The following DAB2IP variants were observed in gnomAD, a reference collection of about 807,000 sequenced individuals.
The protein encoded by DAB2IP is disabled homolog 2-interacting protein.
Under a neutral mutation model 107.2 loss-of-function variants are expected in DAB2IP, and 28 were observed. That is an observed-to-expected ratio of 0.26 (90% CI 0.19 to 0.36). The LOEUF is 0.36. DAB2IP is among the 10% of genes least tolerant of loss of function. The pLI is 1.00. For synonymous variants in DAB2IP, 755 were observed against 706.4 expected (o/e 1.07, Z -1.09); for missense variants, 1,400 against 1,644.7 (o/e 0.85, Z 2.57).
upstream of DAB2IP, among the ~76,000 whole-genome samples, chr9:121,647,202 C>T (rs1333866366): frequency 2.6e-5 from 4 of 152,136 alleles, no homozygotes; most frequent in Non-Finnish European, 5.9e-5. Context: ...TTGAAGATAA[C>T]TGGTTGTGGT....
intron 1 of DAB2IP, among the ~76,000 whole-genome samples, chr9:121,653,868 C>T (rs1332701300): frequency 6.6e-6 from 1 of 152,200 alleles, no homozygotes; most frequent in Non-Finnish European, 1.5e-5. Flanking sequence ...AGCTCACGGC[C>T]TGCAGAGCGG....
chr9:121,675,033 T>C (rs1446718614), intron 1 of DAB2IP, among the ~76,000 whole-genome samples: 1 of 151,738 alleles, frequency 6.6e-6, no homozygotes. Flanking sequence ...GGGTACCCCG[T>C]GTTTGTTGGT....
At chr9:121,648,310 A>C (rs904522548), upstream of DAB2IP, among the ~76,000 whole-genome samples, 3 of 152,176 alleles carry the variant, frequency 2.0e-5, no homozygotes, top group Non-Finnish European at 4.4e-5. Context: ...CTGGGTCCTG[A>C]AGGGTAAGCA....
intron 14 of DAB2IP, among the ~76,000 whole-genome samples, chr9:121,778,590 ATTGAC>A (rs1164408599): frequency 6.6e-6 from 1 of 151,550 alleles, no homozygotes; most frequent in Non-Finnish European, 1.5e-5. Flanking sequence ...TTTCTCTCCT[ATTGAC>A]TTATTAGCTT....
At chr9:121,784,429 G>T (rs975707682) in exon 16 of DAB2IP, 1 of 152,940 alleles carries the variant, frequency 6.5e-6, no homozygotes, top group Non-Finnish European at 1.5e-5. Context: ...ATACAGGGAG[G>T]CTCCCGGGGC....
chr9:121,576,666 A>T (rs1392214807), intron 1 of DAB2IP, among the ~76,000 whole-genome samples: 1 of 152,180 alleles, frequency 6.6e-6, no homozygotes, highest in East Asian at 1.9e-4. Flanking sequence ...GTAAAGAAAG[A>T]AGTCAGGATA....
At chr9:121,721,919 G>T (rs901791472) in intron 3 of DAB2IP, among the ~76,000 whole-genome samples, 3 of 152,256 alleles carry the variant, frequency 2.0e-5, no homozygotes, top group African/African-American at 4.8e-5. Flanking sequence ...AACTGATGGG[G>T]CCCCGCCCAG....
Position 121,699,279 on chromosome 9 carries a change from G to A in DAB2IP, c.229-46G>A, listed in dbSNP as rs1306563248. ...GCGCGGGTCCCGGCCCGCCGCCGCC[G>A]CGCTAACCCCGCCTCCCCTTCCCCC... is the stretch of plus-strand genomic sequence containing the variant. On this transcript the variant is annotated intron_variant, in intron 2 of 15. Transcript: ENST00000408936. The surrounding 1 kb of genome is among the most constrained non-coding windows in gnomAD (Gnocchi z 6.2). 2 of 1,279,876 alleles carry A rather than the reference G, an allele frequency of 1.6e-6. No homozygotes were observed. Among genetic ancestry groups the A allele is most frequent in the African/African-American group, 1.6e-5 (1 of 62,532 alleles). 79.3% of individuals were successfully genotyped at this position (1,279,876 alleles called of 1,614,324 possible). A position where few individuals can be genotyped will look rare whatever the true frequency, so the allele number is the denominator to read the frequency against.
rs1336785405 is a variant in DAB2IP at position 121,768,353 on chromosome 9, G to A, written c.1698-79G>A. On this transcript the variant is annotated intron_variant, in intron 9 of 15. Coordinates refer to ENST00000408936, the Ensembl canonical transcript of DAB2IP. ...GCCTGCCATAGTGGGGAAAGCGGGTGGTGGTGTCCCAGTGGAGGGAGTTCC... is the reference window on the plus strand; with the variant it reads ...GCCTGCCATAGTGGGGAAAGCGGGTAGTGGTGTCCCAGTGGAGGGAGTTCC... 7 of 1,447,264 alleles carry A rather than the reference G, an allele frequency of 4.8e-6. No individual in the cohort carries two copies. In the African/African-American group the frequency reaches 5.6e-5, roughly 12 times the overall value. 89.7% of individuals were successfully genotyped at this position (1,447,264 alleles called of 1,614,324 possible).
intron 1 of DAB2IP, among the ~76,000 whole-genome samples, chr9:121,664,378 C>T (rs1169163871): frequency 2.6e-5 from 4 of 152,138 alleles, no homozygotes; most frequent in African/African-American, 9.7e-5. Context: ...CTGTCTAGGT[C>T]CTTTGGTTTG....
chr9:121,630,264 T>C (rs560484220), intron 1 of DAB2IP, among the ~76,000 whole-genome samples: 2 of 152,318 alleles, frequency 1.3e-5, no homozygotes, highest in South Asian at 2.1e-4. Flanking sequence ...CATATATTGC[T>C]ATAGCATTAA....
chr9:121,738,234 C>T (rs1832068076), intron 3 of DAB2IP, among the ~76,000 whole-genome samples: 1 of 152,112 alleles, frequency 6.6e-6, no homozygotes, highest in African/African-American at 2.4e-5. Flanking sequence ...GGGCCTTTAG[C>T]CAGAGGCTCC....
At chr9:121,742,902 TG>T in intron 3 of DAB2IP, 4 of 985,386 alleles carry the variant, frequency 4.1e-6, no homozygotes, top group Non-Finnish European at 4.8e-6. Context: ...GAAAGCCTGG[TG>T]GTGGGGCACC....
intron 1 of DAB2IP, among the ~76,000 whole-genome samples, chr9:121,626,612 C>T (rs989730769): frequency 1.3e-5 from 2 of 151,876 alleles, no homozygotes; most frequent in African/African-American, 4.8e-5. Context: ...TTAGTAGAGA[C>T]AGGGTTTCAC....
At chr9:121,602,308 T>C (rs991876057) in intron 1 of DAB2IP, among the ~76,000 whole-genome samples, 3 of 152,156 alleles carry the variant, frequency 2.0e-5, no homozygotes, top group African/African-American at 7.2e-5. Flanking sequence ...CACAAGTGGA[T>C]GTACTTGCGG....
chr9:121,729,244 A>G (rs1325943458), intron 3 of DAB2IP, among the ~76,000 whole-genome samples: 1 of 152,232 alleles, frequency 6.6e-6, no homozygotes, highest in Non-Finnish European at 1.5e-5. Context: ...GCCAGCTCAC[A>G]GGCTCTTTCC....
At chr9:121,687,565 C>G (rs1008490422) in intron 2 of DAB2IP, among the ~76,000 whole-genome samples, 3 of 152,216 alleles carry the variant, frequency 2.0e-5, no homozygotes, top group Non-Finnish European at 4.4e-5. Flanking sequence ...GCTTGCACTC[C>G]AAGTCCCACT....
intron 1 of DAB2IP, among the ~76,000 whole-genome samples, chr9:121,631,809 C>T (rs1239981148): frequency 7.1e-5 from 9 of 127,058 alleles, no homozygotes; most frequent in Non-Finnish European, 1.1e-4. Context: ...GGCAAGACTC[C>T]GTCTAAAAAA....
chr9:121,625,874 G>A (rs1831626947), intron 1 of DAB2IP, among the ~76,000 whole-genome samples: 1 of 152,126 alleles, frequency 6.6e-6, no homozygotes, highest in South Asian at 2.1e-4. Flanking sequence ...TTGATCTTCC[G>A]GCCATCGTGG....
Sources: gnomAD v4.1 joint callset for allele counts (sites outside exome capture counted in the v4.1 genomes callset) on GRCh38, gnomAD v4.1.1 for gene constraint, Gnocchi (gnomAD v3.1) non-coding constraint, MANE v1.5 for transcripts, NCBI Gene and HGNC (gene_info 2026-07-23, HGNC 2026-07-21) for gene names.